The following CTNNA3 variants were observed in gnomAD, a reference collection of about 807,000 sequenced individuals.
The protein encoded by CTNNA3 is catenin alpha-3.
Under a neutral mutation model 95.7 loss-of-function variants are expected in CTNNA3, and 76 were observed. The observed-to-expected ratio is 0.79, with a 90% CI of 0.66 to 0.96. The LOEUF (loss-of-function observed/expected upper bound fraction) is 0.96, where lower values mean the gene tolerates loss of function less well. Ranked by LOEUF, CTNNA3 falls within the 40% of genes least tolerant of loss-of-function variation. CTNNA3 has a pLI of 0.00. For missense variants in CTNNA3, 1,191 were observed against 1,089.8 expected (o/e 1.09, Z -1.31); for synonymous variants, 431 against 374.4 (o/e 1.15, Z -1.74).
chr10:67,120,458 C>G (rs888992227), intron 7 of CTNNA3, among the ~76,000 whole-genome samples: 3 of 151,894 alleles, frequency 2.0e-5, no homozygotes, highest in African/African-American at 7.2e-5. Flanking sequence ...CCTGAATGAC[C>G]ATTAATGCTC....
chr10:67,440,594 A>G (rs929809277), intron 5 of CTNNA3, among the ~76,000 whole-genome samples: 14 of 151,898 alleles, frequency 9.2e-5, no homozygotes, highest in African/African-American at 3.1e-4. Flanking sequence ...CACAGGGGGG[A>G]TTGTGTTACC....
intron 5 of CTNNA3, among the ~76,000 whole-genome samples, chr10:67,247,016 A>ATAAATAAATCTTCAACCACAGC: frequency 6.6e-6 from 1 of 152,340 alleles, no homozygotes; most frequent in Middle Eastern, 3.4e-3. Flanking sequence ...TAAAAAATAC[A>ATAAATAAATCTTCAACCACAGC]TAAATAAATC....
At chr10:67,272,556 A>G (rs1839027177) in intron 5 of CTNNA3, among the ~76,000 whole-genome samples, 1 of 152,126 alleles carries the variant, frequency 6.6e-6, no homozygotes, top group South Asian at 2.1e-4. Context: ...CTGTCTCAAA[A>G]AATAATAATA....
At chr10:67,090,546 T>G (rs1857570614) in intron 7 of CTNNA3, among the ~76,000 whole-genome samples, 1 of 152,110 alleles carries the variant, frequency 6.6e-6, no homozygotes, top group Non-Finnish European at 1.5e-5. Flanking sequence ...AGGCAACCAC[T>G]TAGGCAACTC....
chr10:67,062,826 C>A (rs886610083), intron 7 of CTNNA3, among the ~76,000 whole-genome samples: 14 of 152,170 alleles, frequency 9.2e-5, no homozygotes, highest in African/African-American at 3.4e-4. Context: ...ATTAATTTTC[C>A]TCCAACAACA....
At chr10:66,217,634 T>C (rs972779875) in intron 13 of CTNNA3, among the ~76,000 whole-genome samples, 7 of 152,196 alleles carry the variant, frequency 4.6e-5, no homozygotes, top group Non-Finnish European at 1.0e-4. Context: ...CATTGTTCTG[T>C]GGTAAATATC....
At chr10:66,464,027 A>G (rs1223140778) in intron 11 of CTNNA3, among the ~76,000 whole-genome samples, 1 of 152,014 alleles carries the variant, frequency 6.6e-6, no homozygotes, top group Non-Finnish European at 1.5e-5. Flanking sequence ...TTTGATTAAA[A>G]CTTACTTATT....
chr10:67,583,067 T>A (rs1453428797), intron 3 of CTNNA3, among the ~76,000 whole-genome samples: 1 of 152,058 alleles, frequency 6.6e-6, no homozygotes, highest in Non-Finnish European at 1.5e-5. Flanking sequence ...ACATTTAAGG[T>A]TAATATTGTT....
intron 13 of CTNNA3, among the ~76,000 whole-genome samples, chr10:66,261,110 G>C (rs897609921): frequency 6.6e-6 from 1 of 152,088 alleles, no homozygotes; most frequent in African/African-American, 2.4e-5. Flanking sequence ...CTGTCAGGTA[G>C]TGATCTCTCA....
At chr10:66,832,041 G>A (rs77156803) in intron 7 of CTNNA3, among the ~76,000 whole-genome samples, 3,082 of 152,222 alleles carry the variant, frequency 0.02, 106 homozygotes, top group African/African-American at 0.07. Context: ...AAATACCTAC[G>A]TACACAGCCA....
chr10:67,688,857 C>G (rs148636426), intron 1 of CTNNA3, among the ~76,000 whole-genome samples: 1 of 152,114 alleles, frequency 6.6e-6, no homozygotes, highest in Non-Finnish European at 1.5e-5. Context: ...GAACCCGCAA[C>G]GGTCCCTGGA....
At chr10:66,300,052 C>A (rs1187736558) in intron 12 of CTNNA3, among the ~76,000 whole-genome samples, 1 of 151,908 alleles carries the variant, frequency 6.6e-6, no homozygotes, top group Non-Finnish European at 1.5e-5. Flanking sequence ...GCCACCATGC[C>A]TGGCTAATTT....
intron 5 of CTNNA3, among the ~76,000 whole-genome samples, chr10:67,431,914 C>T (rs908641842): frequency 2.6e-5 from 4 of 151,918 alleles, no homozygotes; most frequent in Non-Finnish European, 4.4e-5. Flanking sequence ...CTCCAGTGTT[C>T]GTATTCCAGT....
intron 5 of CTNNA3, among the ~76,000 whole-genome samples, chr10:67,357,265 T>G (rs974387839): frequency 6.6e-6 from 1 of 152,092 alleles, no homozygotes; most frequent in African/African-American, 2.4e-5. Flanking sequence ...TTCTCAATTG[T>G]GGATCATTTA....
chr10:67,337,214 G>T (rs1002550313), intron 5 of CTNNA3, among the ~76,000 whole-genome samples: 1 of 152,082 alleles, frequency 6.6e-6, no homozygotes, highest in African/African-American at 2.4e-5. Context: ...GTCAAAATCA[G>T]CATTAACAGG....
chr10:67,106,171 T>G (rs1045390140), intron 7 of CTNNA3, among the ~76,000 whole-genome samples: 3 of 152,180 alleles, frequency 2.0e-5, no homozygotes, highest in Non-Finnish European at 4.4e-5. Context: ...ACATGACACA[T>G]TGGTACTACC....
chr10:67,699,541 C>A (rs747769694), upstream of CTNNA3, among the ~76,000 whole-genome samples: 15 of 152,140 alleles, frequency 9.9e-5, no homozygotes, highest in Non-Finnish European at 2.2e-4. Context: ...AAATGAAAGA[C>A]AATGAAGCCA....
chr10:67,153,579 G>A (rs761718238), intron 7 of CTNNA3, among the ~76,000 whole-genome samples: 18 of 152,302 alleles, frequency 1.2e-4, no homozygotes, highest in Middle Eastern at 3.4e-3. Context: ...AGAGTTCTCC[G>A]ACAGCAGCGA....
chr10:67,150,711 C>A (rs1861047724), intron 7 of CTNNA3, among the ~76,000 whole-genome samples: 2 of 152,154 alleles, frequency 1.3e-5, no homozygotes. Flanking sequence ...TGAGAGTTTA[C>A]TAGCCCAAAG....
Sources: gnomAD v4.1 joint callset for allele counts (sites outside exome capture counted in the v4.1 genomes callset) on GRCh38, gnomAD v4.1.1 for gene constraint, MANE v1.5 for transcripts, NCBI Gene and HGNC (gene_info 2026-07-23, HGNC 2026-07-21) for gene names.